Variants in MAP4 observed in about 807,000 individuals in gnomAD.
MAP4 encodes microtubule-associated protein 4.
A neutral mutation model predicts 170.2 loss-of-function variants in MAP4; 76 were observed. The observed-to-expected ratio is 0.45, with a 90% CI of 0.37 to 0.54. The LOEUF (loss-of-function observed/expected upper bound fraction) is 0.54. Among genes scored for constraint, MAP4 ranks in the 20% least tolerant of loss-of-function variants. MAP4 has a pLI of 0.00. For missense variants in MAP4, 2,506 were observed against 2,748.0 expected (o/e 0.91, Z 1.97); for synonymous variants, 909 against 994.5 (o/e 0.91, Z 1.62).
At chr3:48,043,638 G>C (rs1263398866) in intron 1 of MAP4, among the ~76,000 whole-genome samples, 1 of 152,148 alleles carries the variant, frequency 6.6e-6, no homozygotes, top group Non-Finnish European at 1.5e-5. Context: ...AACATACTTT[G>C]TTAGAGATGC....
intron 17 of MAP4, among the ~76,000 whole-genome samples, chr3:47,859,864 C>T (rs1426972289): frequency 6.6e-6 from 1 of 152,220 alleles, no homozygotes; most frequent in African/African-American, 2.4e-5. Context: ...GGATACAGCA[C>T]AGATACCTCC....
intron 3 of MAP4, among the ~76,000 whole-genome samples, chr3:47,970,029 C>A (rs1435808759): frequency 6.6e-6 from 1 of 152,196 alleles, no homozygotes; most frequent in Non-Finnish European, 1.5e-5. Context: ...GTGACTAGGT[C>A]AGTAGTCATA....
rs908212660 is a variant in MAP4, at chr3:47,917,116, T to C, written c.711A>G (p.Gln237=). ...TCAGTCCCATCATTATTTCCAATGC[T>C]TGTGCTGGTGGCCTCTCTTCTGATG... is the stretch of plus-strand genomic sequence containing the variant. ...EMASEERPPA[Q]ALEIMMGLKT... The change falls in exon 7 of 21, where the codon CAA becomes CAG. Residue 237 remains glutamine (Q), a synonymous_variant. Coordinates refer to ENST00000683076, the MANE Select transcript of MAP4 (RefSeq NM_001385682.1). 7 of 1,614,050 alleles carry C rather than the reference T, an allele frequency of 4.3e-6. No individual in the cohort carries two copies. In the African/African-American group the frequency reaches 5.3e-5, roughly 12 times the overall value.
At chr3:48,066,754 G>T (rs1474873461) in intron 1 of MAP4, among the ~76,000 whole-genome samples, 2 of 148,280 alleles carry the variant, frequency 1.3e-5, no homozygotes, top group Non-Finnish European at 3.0e-5. Context: ...CATGAATACC[G>T]AGGGACAACT....
intron 1 of MAP4, among the ~76,000 whole-genome samples, chr3:48,014,912 T>C (rs1446087321): frequency 1.3e-5 from 2 of 152,136 alleles, no homozygotes; most frequent in African/African-American, 2.4e-5. Context: ...GTCTGAGTTC[T>C]TGGTTCTGGT....
At chr3:47,937,861 C>T (rs1481213176) in intron 3 of MAP4, among the ~76,000 whole-genome samples, 5 of 150,582 alleles carry the variant, frequency 3.3e-5, no homozygotes, top group African/African-American at 9.7e-5. Context: ...GAGGTTTCAC[C>T]ATGTTGGCCA....
intron 4 of MAP4, among the ~76,000 whole-genome samples, chr3:47,923,399 G>T (rs2100044094): frequency 6.6e-6 from 1 of 151,134 alleles, no homozygotes. Flanking sequence ...GCAATATTGG[G>T]AAACTTGTTG....
At chr3:48,028,641 C>A (rs1289177678) in intron 1 of MAP4, among the ~76,000 whole-genome samples, 1 of 151,378 alleles carries the variant, frequency 6.6e-6, no homozygotes, top group East Asian at 2.0e-4. Flanking sequence ...GGCATGGTGG[C>A]CGGCGCCTGT....
chr3:47,926,864 T>C (rs1397682498), intron 4 of MAP4, among the ~76,000 whole-genome samples: 1 of 152,012 alleles, frequency 6.6e-6, no homozygotes, highest in Non-Finnish European at 1.5e-5. Flanking sequence ...GGGTAAACTG[T>C]ATGGTACTGT....
chr3:47,866,664 G>A (rs2080891048), intron 17 of MAP4, among the ~76,000 whole-genome samples: 1 of 152,016 alleles, frequency 6.6e-6, no homozygotes, highest in Non-Finnish European at 1.5e-5. Flanking sequence ...TGAGGCAGGA[G>A]AATAGCTTGA....
intron 10 of MAP4, among the ~76,000 whole-genome samples, chr3:47,902,348 A>G (rs2153368601): frequency 6.6e-6 from 1 of 152,128 alleles, no homozygotes; most frequent in South Asian, 2.1e-4. Flanking sequence ...TTGTGTGACT[A>G]GTCCCAATAA....
intron 1 of MAP4, among the ~76,000 whole-genome samples, chr3:48,021,851 CTG>C (rs1049154036): frequency 3.9e-5 from 6 of 152,118 alleles, no homozygotes; most frequent in African/African-American, 1.2e-4. Flanking sequence ...ATGCTGAAAA[CTG>C]ATGAGTTTCT....
intron 2 of MAP4, among the ~76,000 whole-genome samples, chr3:47,980,630 G>A (rs1008049336): frequency 6.6e-6 from 1 of 151,952 alleles, no homozygotes; most frequent in Admixed American, 6.6e-5. Context: ...AAATAAGGAA[G>A]GAAAGACAAC....
chr3:48,079,919 C>A (rs1037145765), intron 1 of MAP4, among the ~76,000 whole-genome samples: 1 of 150,598 alleles, frequency 6.6e-6, no homozygotes, highest in Admixed American at 6.6e-5. Context: ...CACTACACTC[C>A]GGCCTGGGCA....
chr3:48,035,250 C>T (rs983945959), intron 1 of MAP4, among the ~76,000 whole-genome samples: 8 of 139,814 alleles, frequency 5.7e-5, no homozygotes, highest in African/African-American at 1.6e-4. Context: ...TACAAGTCTT[C>T]AGTGGGAGAT....
In MAP4 at chr3:47,870,694, T is replaced by C. The variant is rs975482685; in HGVS notation, c.6294+119A>G. ...CTACAGAGCCCCGGCTGAAATACCC[T>C]GATGCTGAGTCCAGTGTCCTGACTG... On this transcript the variant is annotated intron_variant, in intron 15 of 20. Transcript: ENST00000683076. 20 of 1,076,040 alleles carry C rather than the reference T, an allele frequency of 1.9e-5. No homozygotes were observed. The African/African-American group carries it at 2.5e-4, about 14-fold the overall frequency. The allele number at this position is 1,076,040 out of a possible 1,614,324, so 66.7% of individuals were successfully genotyped here.
rs745917384 is a variant in MAP4 at position 47,909,296 on chromosome 3, C to T, written c.5125G>A (p.Ala1709Thr). 5 of 1,613,902 alleles carry T rather than the reference C, an allele frequency of 3.1e-6. No individual in the cohort carries two copies. The highest frequency in any genetic ancestry group is 4.2e-6 in the Non-Finnish European group (5 of 1,179,832). The change falls in exon 9 of 21, where the codon GCG becomes ACG. Residue 1709 changes from alanine (A) to threonine (T), a missense_variant. Physicochemically the swap from Ala to Thr is moderately conservative, Grantham distance 58. Around this residue, in one of 3 missense-constraint regions of MAP4, gnomAD observed 2,008 missense variants for 2,206.0 expected, o/e 0.91. Transcript: ENST00000683076. ...GCAGTCATTATTACTAACGTATCCG[C>T]CACCTCTGAAGGAGGAGCTTCGACT... ...SKVEAPPSEV[A>T]DTLVIMTASK...
chr3:47,920,290 A>C (rs1366926230), intron 5 of MAP4, among the ~76,000 whole-genome samples: 1 of 148,106 alleles, frequency 6.8e-6, no homozygotes, highest in Non-Finnish European at 1.5e-5. Context: ...TATTTTTAGT[A>C]GAGATGGGGT....
chr3:48,036,979 C>G (rs1421601676), intron 1 of MAP4, among the ~76,000 whole-genome samples: 1 of 152,162 alleles, frequency 6.6e-6, no homozygotes, highest in Admixed American at 6.6e-5. Flanking sequence ...AAATCAGATA[C>G]AGAATTTGGA....
Sources: allele counts gnomAD v4.1 joint callset (sites outside exome capture counted in the v4.1 genomes callset), GRCh38; gene constraint gnomAD v4.1.1; regional missense constraint gnomAD v4.1.1; transcripts MANE v1.5; gene names NCBI Gene and HGNC (gene_info 2026-07-23, HGNC 2026-07-21).